Variants in TLN2 observed in about 807,000 individuals in gnomAD.
TLN2 encodes the protein talin-2.
Under a neutral mutation model 294.7 loss-of-function variants are expected in TLN2, and 118 were observed. That is an observed-to-expected ratio of 0.40 (90% CI 0.34 to 0.47). The LOEUF is 0.47. Ranked by LOEUF, TLN2 falls within the 20% of genes least tolerant of loss-of-function variation. TLN2 has a pLI of 0.84. For synonymous variants in TLN2, 1,431 were observed against 1,304.5 expected (o/e 1.10, Z -2.09); for missense variants, 3,083 against 3,282.2 (o/e 0.94, Z 1.48).
intron 39 of TLN2, 54 bp downstream of exon 39, chr15:62,762,507 G>A: frequency 6.3e-7 from 1 of 1,589,652 alleles, no homozygotes; most frequent in Admixed American, 1.7e-5. Context: ...GGGGAAGGAG[G>A]AGGATAAGCC....
intron 4 of TLN2, 64 bp from the exon 5 acceptor site, chr15:62,650,020 C>CT: frequency 6.5e-7 from 1 of 1,537,766 alleles, no homozygotes; most frequent in South Asian, 1.1e-5. Flanking sequence ...GGCTCAGGGC[C>CT]TGGAAGTCAG....
chr15:62,734,970 T>C (rs1238969257), intron 28 of TLN2, among the ~76,000 whole-genome samples: 2 of 152,222 alleles, frequency 1.3e-5, no homozygotes, highest in Non-Finnish European at 2.9e-5. Context: ...TCCAGCTCAG[T>C]CCTGTAGAAA....
chr15:62,456,330 C>G (rs2036478740), intron 1 of TLN2, among the ~76,000 whole-genome samples: 1 of 152,202 alleles, frequency 6.6e-6, no homozygotes, highest in African/African-American at 2.4e-5. Flanking sequence ...TTCATCGGCT[C>G]TTCAGAGCTG....
chr15:62,662,447 T>C (rs1325026133), intron 9 of TLN2, among the ~76,000 whole-genome samples: 5 of 152,134 alleles, frequency 3.3e-5, no homozygotes, highest in South Asian at 4.1e-4. Flanking sequence ...ATACAGACAA[T>C]AGAAAGCTTT....
At chr15:62,742,024 G>GGGGTGTGT (rs1555495837) in intron 32 of TLN2, among the ~76,000 whole-genome samples, 1 of 82,222 alleles carries the variant, frequency 1.2e-5, no homozygotes, top group African/African-American at 4.4e-5. Flanking sequence ...CTTGTAGTGG[G>GGGGTGTGT]GTGTGTGTGT....
chr15:62,423,864 G>A (rs2034554011), intron 1 of TLN2, among the ~76,000 whole-genome samples: 1 of 152,208 alleles, frequency 6.6e-6, no homozygotes, highest in Admixed American at 6.5e-5. Context: ...ACAGGCGTGA[G>A]CAACCGTGCC....
At chr15:62,837,723 T>TAAAG (rs984473080) in intron 57 of TLN2, among the ~76,000 whole-genome samples, 3 of 152,250 alleles carry the variant, frequency 2.0e-5, no homozygotes, top group African/African-American at 7.2e-5. Flanking sequence ...AAAAGTGGGC[T>TAAAG]AAAGATTTCT....
At chr15:62,595,871 A>G (rs7162434) in intron 2 of TLN2, among the ~76,000 whole-genome samples, 62,047 of 152,044 alleles carry the variant, frequency 0.41, 13,134 homozygotes, top group East Asian at 0.59. Context: ...GAAAAGTAGA[A>G]AGAGGTGGTT....
intron 1 of TLN2, among the ~76,000 whole-genome samples, chr15:62,481,407 T>C (rs963573236): frequency 2.6e-5 from 4 of 152,244 alleles, no homozygotes; most frequent in African/African-American, 9.6e-5. Context: ...ATTTATTTTT[T>C]GAGACAGGTT....
chr15:62,408,969 A>T (rs926429025), intron 1 of TLN2, among the ~76,000 whole-genome samples: 1 of 149,978 alleles, frequency 6.7e-6, no homozygotes, highest in Non-Finnish European at 1.5e-5. Context: ...CCTTATTTTT[A>T]CTTATTTATT....
intron 1 of TLN2, among the ~76,000 whole-genome samples, chr15:62,395,674 C>T (rs1319404112): frequency 6.6e-6 from 1 of 151,950 alleles, no homozygotes; most frequent in African/African-American, 2.4e-5. Flanking sequence ...GTAAATAAAC[C>T]AGAAGCAACA....
At chr15:62,676,604 C>T (rs1372159724) in intron 11 of TLN2, among the ~76,000 whole-genome samples, 1 of 152,106 alleles carries the variant, frequency 6.6e-6, no homozygotes, top group Non-Finnish European at 1.5e-5. Flanking sequence ...AAGGGTAAAA[C>T]TACTACTACT....
At chr15:62,516,285 G>A (rs1377325723) in intron 1 of TLN2, among the ~76,000 whole-genome samples, 1 of 152,138 alleles carries the variant, frequency 6.6e-6, no homozygotes, top group Non-Finnish European at 1.5e-5. Flanking sequence ...TTCTAAATTA[G>A]GTCCAGAACA....
chr15:62,707,933 G>A (rs941522063), intron 20 of TLN2, among the ~76,000 whole-genome samples: 1 of 152,020 alleles, frequency 6.6e-6, no homozygotes, highest in African/African-American at 2.4e-5. Flanking sequence ...TTGATGGCCT[G>A]TCATGTTGTA....
At chr15:62,464,576 A>T (rs1049842899) in intron 1 of TLN2, among the ~76,000 whole-genome samples, 2 of 151,840 alleles carry the variant, frequency 1.3e-5, no homozygotes, top group African/African-American at 4.8e-5. Context: ...GTATATTTAA[A>T]AAAAAAAAAG....
intron 29 of TLN2, among the ~76,000 whole-genome samples, 167 bp from the exon 30 acceptor site, chr15:62,738,047 G>T (rs924603586): frequency 6.6e-6 from 1 of 152,158 alleles, no homozygotes; most frequent in Admixed American, 6.5e-5. Flanking sequence ...AAACATCTCT[G>T]GGACAAGGGG....
rs1339391690 is a variant in TLN2 at position 62,674,400 on chromosome 15, A to C, written c.852+510A>C. Reference sequence around the variant, plus strand: ...AAGTCTACTTTGATCCTGAAATGTAAATATAAATTAAAATACAAATTTCAT... The same window carrying C: ...AAGTCTACTTTGATCCTGAAATGTACATATAAATTAAAATACAAATTTCAT... On this transcript the variant is annotated intron_variant, in intron 10 of 58. Coordinates refer to ENST00000636159, the MANE Select transcript of TLN2 (RefSeq NM_015059.3). Among the ~76,000 whole-genome samples, 4 of 152,232 alleles carry C rather than the reference A, an allele frequency of 2.6e-5. No individual in the cohort carries two copies. In the East Asian group the frequency reaches 5.8e-4, roughly 22 times the overall value.
At position 62,630,167 on chromosome 15, in the gene TLN2, T is replaced by C. The variant is rs140523216; in HGVS notation, c.-37+11692T>C. Among the ~76,000 whole-genome samples, 260 of 152,254 alleles carry C rather than the reference T, an allele frequency of 1.7e-3. 2 individuals carry two copies. Among genetic ancestry groups the C allele is most frequent in the African/African-American group, 6.0e-3 (250 of 41,546 alleles). On this transcript the variant is annotated intron_variant, in intron 3 of 58. Transcript: ENST00000636159. ...CTGGAAATATGGCACCAACTAATCA[T>C]CATTTTTGCTTATTAGTAGGTTGAC...
chr15:62,792,793 G>C lies in TLN2; in HGVS notation c.5883+6G>C, dbSNP rs765837207. On this transcript the variant is annotated splice_donor_region_variant and intron_variant, in intron 46 of 58. Transcript: ENST00000636159. ...CCCGTGCCGTCACGGAAAAGGTAAGGAGCAGCCCTCAGTTTAGAGTCACAA... is the reference window on the plus strand; with the variant it reads ...CCCGTGCCGTCACGGAAAAGGTAAGCAGCAGCCCTCAGTTTAGAGTCACAA... 7.4e-6 allele frequency: 12 copies of C among 1,613,846 alleles called. 1 individual carries two copies. The South Asian group carries it at 1.2e-4, about 16-fold the overall frequency.
Sources: allele counts gnomAD v4.1 joint callset (sites outside exome capture counted in the v4.1 genomes callset), GRCh38; gene constraint gnomAD v4.1.1; transcripts MANE v1.5; gene names NCBI Gene and HGNC (gene_info 2026-07-23, HGNC 2026-07-21).